SLC1A2: variants seen among roughly 807,000 people sequenced by gnomAD.
SLC1A2 encodes excitatory amino acid transporter 2.
Under a neutral mutation model 48.8 loss-of-function variants are expected in SLC1A2, and 15 were observed. The observed-to-expected ratio is 0.31, with a 90% confidence interval of 0.21 to 0.47. SLC1A2 has a LOEUF of 0.47. Among genes scored for constraint, SLC1A2 ranks in the 20% least tolerant of loss-of-function variants. The probability of loss-of-function intolerance (pLI) is 0.99; values close to 1 mark genes in which losing one functional copy is unlikely to be tolerated. For synonymous variants in SLC1A2, 279 were observed against 272.6 expected (o/e 1.02, Z -0.23); for missense variants, 502 against 730.5 (o/e 0.69, Z 3.61).
Position 35,418,750 on chromosome 11 carries a change from G to T in SLC1A2, c.17+200C>A, listed in dbSNP as rs922133166. On this transcript the variant is annotated intron_variant, in intron 1 of 10. Coordinates refer to ENST00000278379, the MANE Select transcript of SLC1A2 (RefSeq NM_004171.4). The stretch of plus-strand genomic sequence containing the variant: ...AAAATAAAACAACCCTCCACCTCTC[G>T]CATTTTCAAAGGATTAAGCAGCAAT... The T allele has an allele frequency of 8.7e-6, 5 of 575,198 alleles. No individual in the cohort carries two copies. The Admixed American group carries it at 1.3e-4, about 14-fold the overall frequency. 35.6% of individuals were successfully genotyped at this position (575,198 alleles called of 1,614,324 possible).
At chr11:35,387,211 A>T (rs1205193376) in intron 1 of SLC1A2, among the ~76,000 whole-genome samples, 2 of 152,214 alleles carry the variant, frequency 1.3e-5, no homozygotes, top group African/African-American at 4.8e-5. Flanking sequence ...GAATTACCTA[A>T]GAAGAAATGG....
At position 35,256,583 on chromosome 11, in the gene SLC1A2, C is replaced by T. The variant is rs1331653544; in HGVS notation, c.*4311G>A. 6.6e-6 allele frequency: 1 copy of T among 150,382 alleles called. No homozygotes were observed. The highest frequency in any genetic ancestry group is 2.2e-4 in the South Asian group (1 of 4,588). 9.3% of individuals were successfully genotyped at this position (150,382 alleles called of 1,614,324 possible). A position where few individuals can be genotyped will look rare whatever the true frequency, so the allele number is the denominator to read the frequency against. ...TTATCTTCTTTGACAATTAGACTTA[C>T]AAAACTCACTCCAGAATTCCTTCAG... On this transcript the variant is annotated 3_prime_UTR_variant, in exon 11 of 11. Coordinates refer to ENST00000278379, the MANE Select transcript of SLC1A2 (RefSeq NM_004171.4).
chr11:35,391,229 C>T (rs1854759486), intron 1 of SLC1A2: 1 of 152,170 alleles, frequency 6.6e-6, no homozygotes, highest in Admixed American at 6.5e-5. Flanking sequence ...GCAGAGTTGA[C>T]TCATTATGAT....
chr11:35,301,440 C>A (rs1264073589), intron 6 of SLC1A2, 79 bp downstream of exon 6: 8 of 1,388,242 alleles, frequency 5.8e-6, no homozygotes, highest in Non-Finnish European at 8.0e-6. Flanking sequence ...CTTTTTCCTG[C>A]AGGGAGAGCT....
intron 1 of SLC1A2, among the ~76,000 whole-genome samples, chr11:35,398,951 G>A (rs1280441428): frequency 6.6e-6 from 1 of 152,198 alleles, no homozygotes; most frequent in Non-Finnish European, 1.5e-5. Flanking sequence ...AATAAGCAGA[G>A]GGTGTTTCAG....
chr11:35,287,579 AG>A (rs1489571052), intron 7 of SLC1A2, among the ~76,000 whole-genome samples: 7 of 152,336 alleles, frequency 4.6e-5, no homozygotes, highest in Middle Eastern at 3.4e-3. Context: ...CCAATTCTAC[AG>A]TCACTTCAAT....
chr11:35,411,828 T>C (rs752167679), intron 1 of SLC1A2, among the ~76,000 whole-genome samples: 4 of 152,222 alleles, frequency 2.6e-5, no homozygotes, highest in African/African-American at 4.8e-5. Context: ...ACTAAACTTA[T>C]TCTCACTTTT....
chr11:35,381,680 C>T (rs1201417854), intron 1 of SLC1A2, among the ~76,000 whole-genome samples: 4 of 152,324 alleles, frequency 2.6e-5, no homozygotes, highest in Non-Finnish European at 5.9e-5. Context: ...TCAGAGGACA[C>T]CAGCCCCCTC....
chr11:35,360,753 G>T (rs896005059), intron 1 of SLC1A2, among the ~76,000 whole-genome samples: 1 of 152,110 alleles, frequency 6.6e-6, no homozygotes, highest in Non-Finnish European at 1.5e-5. Context: ...TTTGAGGTAG[G>T]TTTGGACTCT....
chr11:35,303,806 T>A (rs1431237897), intron 5 of SLC1A2, among the ~76,000 whole-genome samples: 3 of 151,866 alleles, frequency 2.0e-5, no homozygotes, highest in Non-Finnish European at 4.4e-5. Context: ...AGAGAAATGG[T>A]TCCTTAAAGA....
intron 1 of SLC1A2, among the ~76,000 whole-genome samples, chr11:35,335,300 A>G (rs529939548): frequency 6.6e-6 from 1 of 152,264 alleles, no homozygotes; most frequent in Non-Finnish European, 1.5e-5. Flanking sequence ...CATAAAACCT[A>G]TCTATTGAAA....
chr11:35,332,530 A>T lies in SLC1A2; in HGVS notation c.18-15014T>A, dbSNP rs547878619. On this transcript the variant is annotated intron_variant, in intron 1 of 10. Transcript: ENST00000278379. ...AATGCCAGGCACCTAATAGGTGTTC[A>T]GCAAAAGCTGGTAGATTGAATTATG... is the stretch of plus-strand genomic sequence containing the variant. Among the ~76,000 whole-genome samples, 9 of 152,388 alleles carry T rather than the reference A, an allele frequency of 5.9e-5. No homozygotes were observed. The East Asian group carries it at 1.7e-3, about 29-fold the overall frequency.
intron 2 of SLC1A2, chr11:35,316,526 T>C (rs1405437094): frequency 6.6e-6 from 1 of 152,250 alleles, no homozygotes; most frequent in Non-Finnish European, 1.5e-5. Context: ...CTCCCAGTCC[T>C]GATCCTGGGC....
chr11:35,384,793 A>G (rs113699509), intron 1 of SLC1A2, among the ~76,000 whole-genome samples: 2,619 of 152,286 alleles, frequency 0.017, 79 homozygotes, highest in African/African-American at 0.059. Context: ...AGAATTTGGG[A>G]AATTTAGAAG....
In SLC1A2 at chr11:35,286,918, C is replaced by T. The variant is rs1470587104; in HGVS notation, c.1125G>A (p.Leu375=). The change falls in exon 8 of 11, where the codon CTG becomes CTA. Residue 375 remains leucine (L), a synonymous_variant. Transcript: ENST00000278379. ...GCTTATCAATCCCCAGATTTTCTTCCAGGCAACGAAAGGTGACAGGCAAAG... is the reference window on the plus strand; with the variant it reads ...GCTTATCAATCCCCAGATTTTCTTCTAGGCAACGAAAGGTGACAGGCAAAG... The part of the protein sequence containing the change: ...AGTLPVTFRC[L]EENLGIDKRV... 1 of 1,614,070 alleles carries T rather than the reference C, an allele frequency of 6.2e-7. No homozygotes were observed. The highest frequency in any genetic ancestry group is 2.2e-5 in the East Asian group (1 of 44,882).
chr11:35,419,016 G>A lies in SLC1A2; in HGVS notation c.-50C>T. On this transcript the variant is annotated 5_prime_UTR_variant, in exon 1 of 11. Coordinates refer to ENST00000278379, the MANE Select transcript of SLC1A2 (RefSeq NM_004171.4). This position sits in a 1 kb window ranked among gnomAD's most constrained non-coding sequence, Gnocchi z 5.4. ...TCAGCACTATCCGGCAGCTGTGGGC[G>A]AGGGAGAAAGCGGACGCCGGGGTGA... 1 of 1,529,670 alleles carries A rather than the reference G, an allele frequency of 6.5e-7. No individual in the cohort carries two copies. Among genetic ancestry groups the A allele is most frequent in the South Asian group, 1.2e-5 (1 of 82,928 alleles). 94.8% of individuals were successfully genotyped at this position (1,529,670 alleles called of 1,614,324 possible). A position where few individuals can be genotyped will look rare whatever the true frequency, so the allele number is the denominator to read the frequency against.
At chr11:35,362,521 T>C (rs1853716399) in intron 1 of SLC1A2, among the ~76,000 whole-genome samples, 1 of 152,202 alleles carries the variant, frequency 6.6e-6, no homozygotes, top group Non-Finnish European at 1.5e-5. Flanking sequence ...GAACCTCAAA[T>C]ACTTCATTCA....
intron 8 of SLC1A2, 119 bp from the exon 9 acceptor site, chr11:35,281,120 C>A: frequency 7.3e-7 from 1 of 1,360,872 alleles, no homozygotes; most frequent in African/African-American, 1.5e-5. Flanking sequence ...ACCCCCACCC[C>A]ATACTCTCCA....
chr11:35,299,047 A>G (rs1851258712), intron 6 of SLC1A2: 1 of 152,252 alleles, frequency 6.6e-6, no homozygotes, highest in South Asian at 2.1e-4. Context: ...GACTTAAAAA[A>G]TATGTTTTAC....
Sources: gnomAD v4.1 joint callset for allele counts (sites outside exome capture counted in the v4.1 genomes callset) on GRCh38, gnomAD v4.1.1 for gene constraint, Gnocchi (gnomAD v3.1) non-coding constraint, MANE v1.5 for transcripts, NCBI Gene and HGNC (gene_info 2026-07-23, HGNC 2026-07-21) for gene names.